The following LAMP1 variants were observed in gnomAD, a reference collection of about 807,000 sequenced individuals.
The protein encoded by LAMP1 is lysosome-associated membrane glycoprotein 1.
Under a neutral mutation model 37.5 loss-of-function variants are expected in LAMP1, and 7 were observed. That is an observed-to-expected ratio of 0.19 (90% CI 0.11 to 0.35). The LOEUF is 0.35. Ranked by LOEUF, LAMP1 falls within the 10% of genes least tolerant of loss-of-function variation. LAMP1 has a pLI of 1.00. For synonymous variants in LAMP1, 236 were observed against 229.1 expected (o/e 1.03, Z -0.27); for missense variants, 537 against 552.8 (o/e 0.97, Z 0.29).
At chr13:113,303,284 G>A (rs1472006675) in intron 1 of LAMP1, among the ~76,000 whole-genome samples, 1 of 152,172 alleles carries the variant, frequency 6.6e-6, no homozygotes, top group Non-Finnish European at 1.5e-5. Flanking sequence ...TTCCCACAGC[G>A]GCACTTGTTT....
chr13:113,309,699 T>C lies in LAMP1; in HGVS notation c.240T>C (p.Cys80=). 1 of 1,614,192 alleles carries C rather than the reference T, an allele frequency of 6.2e-7. No homozygotes were observed. ...CAGTGGTGCTCAACCGCAGCTCCTG[T>C]GGAAAAGAGAACACTTCTGACCCCA... ...DATVVLNRSS[C]GKENTSDPSL... The change falls in exon 3 of 9, where the codon TGT becomes TGC. Residue 80 remains cysteine (C), a synonymous_variant. Transcript: ENST00000332556.
Position 113,321,140 on chromosome 13 carries a change from A to C in LAMP1, c.877-264A>C. 2.2e-6 allele frequency: 1 copy of C among 452,364 alleles called. No homozygotes were observed. Among genetic ancestry groups the C allele is most frequent in the Non-Finnish European group, 4.1e-6 (1 of 246,198 alleles). The allele number at this position is 452,364 out of a possible 1,614,324, so 28.0% of individuals were successfully genotyped here. ...GGTTGCGATGAGCCGTGATCACTCC[A>C]CTGCACTCCAGCCTGGGTGACAGAG... On this transcript the variant is annotated intron_variant, in intron 6 of 8. Transcript: ENST00000332556. This position sits in a 1 kb window ranked among gnomAD's most constrained non-coding sequence, Gnocchi z 5.6.
Position 113,322,346 on chromosome 13 carries a change from G to A in LAMP1, c.1179G>A (p.Ala393=), listed in dbSNP as rs763738666. Residue 393 remains alanine, a synonymous_variant, in exon 9 of 9, where the codon GCG becomes GCA. Coordinates refer to ENST00000332556, the MANE Select transcript of LAMP1 (RefSeq NM_005561.4). ...CCATCGCTGTGGGTGGTGCCCTGGC[G>A]GGGCTGGTCCTCATCGTCCTCATCG... ...LIPIAVGGAL[A]GLVLIVLIAY... 13 of 1,609,328 alleles carry A rather than the reference G, an allele frequency of 8.1e-6. No individual in the cohort carries two copies. The highest frequency in any genetic ancestry group is 3.3e-5 in the South Asian group (3 of 90,354).
At chr13:113,309,498 T>C (rs1206479688) in intron 2 of LAMP1, 145 bp from the exon 3 acceptor site, 1 of 621,042 alleles carries the variant, frequency 1.6e-6, no homozygotes, top group Non-Finnish European at 2.8e-6. Flanking sequence ...CTTTTTTTGG[T>C]TTATATTAAA....
At chr13:113,312,597 A>G (rs1473542299) in intron 4 of LAMP1, among the ~76,000 whole-genome samples, 2 of 152,178 alleles carry the variant, frequency 1.3e-5, no homozygotes, top group Non-Finnish European at 2.9e-5. Context: ...AAGGAAACAC[A>G]CTTAGGAGCT....
chr13:113,320,488 C>A lies in LAMP1; in HGVS notation c.876+18C>A, dbSNP rs1566404561. 1 of 1,602,374 alleles carries A rather than the reference C, an allele frequency of 6.2e-7. No individual in the cohort carries two copies. Among genetic ancestry groups the A allele is most frequent in the African/African-American group, 1.3e-5 (1 of 74,982 alleles). ...TCGGGATGGTGAGGCTGGGGCGGCA[C>A]CTCTCTGGGGGCGCCCACTGTGTCT... On this transcript the variant is annotated intron_variant, in intron 6 of 8. Transcript: ENST00000332556. The surrounding 1 kb of genome is among the most constrained non-coding windows in gnomAD (Gnocchi z 4.4).
At position 113,319,536 on chromosome 13, in the gene LAMP1, C is replaced by G; in HGVS notation, c.630C>G (p.Pro210=). 6.2e-7 allele frequency: 1 copy of G among 1,614,018 alleles called. No individual in the cohort carries two copies. Among genetic ancestry groups the G allele is most frequent in the Non-Finnish European group, 8.5e-7 (1 of 1,180,016 alleles). The part of the protein sequence containing the change: ...TAPPAPPSPS[P]SPVPKSPSVD... ...CCCCTGCGCCACCCAGCCCCTCGCC[C>G]TCACCCGTGCCCAAGAGCCCCTCTG... is the stretch of plus-strand genomic sequence containing the variant. Residue 210 remains proline, a synonymous_variant, in exon 5 of 9, where the codon CCC becomes CCG. Coordinates refer to ENST00000332556, the MANE Select transcript of LAMP1 (RefSeq NM_005561.4).
chr13:113,299,998 T>C (rs2042562317), intron 1 of LAMP1, among the ~76,000 whole-genome samples: 1 of 152,212 alleles, frequency 6.6e-6, no homozygotes, highest in African/African-American at 2.4e-5. Flanking sequence ...ATTTCCACTA[T>C]ATTAATAATT....
intron 4 of LAMP1, among the ~76,000 whole-genome samples, chr13:113,313,350 T>C (rs1164242760): frequency 6.6e-6 from 1 of 152,220 alleles, no homozygotes; most frequent in East Asian, 1.9e-4. Context: ...TTTAGAGCAG[T>C]CTTAGGTTTC....
chr13:113,313,281 A>C (rs890784139), intron 4 of LAMP1, among the ~76,000 whole-genome samples: 1 of 152,182 alleles, frequency 6.6e-6, no homozygotes, highest in African/African-American at 2.4e-5. Flanking sequence ...GAAGCTTGCT[A>C]GGTTCTTTTG....
At chr13:113,302,087 G>A (rs1469385959) in intron 1 of LAMP1, among the ~76,000 whole-genome samples, 1 of 151,276 alleles carries the variant, frequency 6.6e-6, no homozygotes, top group East Asian at 2.0e-4. Context: ...GGTCTCAAAC[G>A]CCTAACCTCA....
chr13:113,307,881 C>A (rs190424743), intron 2 of LAMP1, among the ~76,000 whole-genome samples: 21 of 147,332 alleles, frequency 1.4e-4, no homozygotes, highest in Admixed American at 6.1e-4. Flanking sequence ...ATTGCTTGAG[C>A]CTGTGAGGTC....
intron 8 of LAMP1, 197 bp from the exon 9 acceptor site, chr13:113,322,085 G>A (rs1489595412): frequency 6.5e-6 from 4 of 619,640 alleles, no homozygotes; most frequent in Admixed American, 3.1e-5. Context: ...GGGGAGAGAC[G>A]TGTGTGGTTT....
At chr13:113,322,011 T>G (rs1291040939) in intron 8 of LAMP1, 1 of 584,420 alleles carries the variant, frequency 1.7e-6, no homozygotes, top group African/African-American at 1.9e-5. Flanking sequence ...AACACTGTCA[T>G]CTGATGTGCA....
In LAMP1 at chr13:113,322,216, GGA is replaced by G. The variant is rs755017758; in HGVS notation, c.1115-60_1115-59del. 14 of 1,530,528 alleles carry G rather than the reference GGA, an allele frequency of 9.1e-6. 1 individual carries two copies. In the South Asian group the frequency reaches 1.3e-4, roughly 15 times the overall value. 94.8% of individuals were successfully genotyped at this position (1,530,528 alleles called of 1,614,324 possible). ...TTTGGCTGATGTGGGGGAGTGGTGG[GGA>G]GAGAGGCCTGTTTGCAGGCCCCTGT... is the stretch of plus-strand genomic sequence containing the variant. On this transcript the variant is annotated intron_variant, in intron 8 of 8. Coordinates refer to ENST00000332556, the MANE Select transcript of LAMP1 (RefSeq NM_005561.4).
intron 1 of LAMP1, among the ~76,000 whole-genome samples, chr13:113,299,217 T>G (rs9604059): frequency 0.058 from 8,864 of 152,234 alleles, 728 homozygotes; most frequent in African/African-American, 0.17. Context: ...GAATATTGCT[T>G]GTGTAATCAG....
Position 113,319,357 on chromosome 13 carries a change from C to T in LAMP1, c.563-112C>T, listed in dbSNP as rs2042684303. On this transcript the variant is annotated intron_variant, in intron 4 of 8. Coordinates refer to ENST00000332556, the MANE Select transcript of LAMP1 (RefSeq NM_005561.4). ...CCTTGGGAGACTGAGAAAATAGTCACCAAGGACGCCAGAGTCCACAGATGT... is the reference window on the plus strand; with the variant it reads ...CCTTGGGAGACTGAGAAAATAGTCATCAAGGACGCCAGAGTCCACAGATGT... 3 of 958,550 alleles carry T rather than the reference C, an allele frequency of 3.1e-6. No individual in the cohort carries two copies. The South Asian group carries it at 5.2e-5, about 17-fold the overall frequency. 59.4% of individuals were successfully genotyped at this position (958,550 alleles called of 1,614,324 possible). A position where few individuals can be genotyped will look rare whatever the true frequency, so the allele number is the denominator to read the frequency against.
intron 4 of LAMP1, among the ~76,000 whole-genome samples, chr13:113,311,546 C>T (rs1467071711): frequency 6.6e-6 from 1 of 152,182 alleles, no homozygotes; most frequent in East Asian, 1.9e-4. Context: ...TATCTCCATC[C>T]AGCTCTGGCC....
chr13:113,314,042 G>A (rs2042646401), intron 4 of LAMP1, among the ~76,000 whole-genome samples: 1 of 111,536 alleles, frequency 9.0e-6, no homozygotes, highest in African/African-American at 3.9e-5. Flanking sequence ...GAGGGAGTCA[G>A]TGTGGAGATG....
Sources: gnomAD v4.1 joint callset for allele counts (sites outside exome capture counted in the v4.1 genomes callset) on GRCh38, gnomAD v4.1.1 for gene constraint, Gnocchi (gnomAD v3.1) non-coding constraint, MANE v1.5 for transcripts, NCBI Gene and HGNC (gene_info 2026-07-23, HGNC 2026-07-21) for gene names.